SLC44A3: variants seen among roughly 807,000 people sequenced by gnomAD.
The protein encoded by SLC44A3 is solute carrier family 44 member 3.
Under a neutral mutation model 75.4 loss-of-function variants are expected in SLC44A3, and 74 were observed. The ratio of observed to expected loss-of-function variants is 0.98; its 90% CI spans 0.81 to 1.19. The LOEUF (loss-of-function observed/expected upper bound fraction) is 1.19, where lower values mean the gene tolerates loss of function less well. SLC44A3 is among the 50% of genes most tolerant of loss of function. SLC44A3 has a pLI of 0.00. For synonymous variants in SLC44A3, 310 were observed against 296.9 expected (o/e 1.04, Z -0.45); for missense variants, 700 against 778.6 (o/e 0.90, Z 1.20).
At chr1:94,826,091 A>T (rs1276316744) in intron 3 of SLC44A3, 1 of 352,620 alleles carries the variant, frequency 2.8e-6, no homozygotes, top group African/African-American at 2.1e-5. Context: ...TACAACAGGG[A>T]TGAACCCTGA....
chr1:94,856,594 G>A (rs1271245768), intron 9 of SLC44A3, among the ~76,000 whole-genome samples: 3 of 152,166 alleles, frequency 2.0e-5, no homozygotes, highest in Non-Finnish European at 4.4e-5. Context: ...TTTCATCAAC[G>A]TGCTGAGTTT....
At chr1:94,871,974 T>C (rs920965552) in intron 12 of SLC44A3, among the ~76,000 whole-genome samples, 1 of 152,198 alleles carries the variant, frequency 6.6e-6, no homozygotes, top group Non-Finnish European at 1.5e-5. Flanking sequence ...ACGTAGACAG[T>C]TGGGATTTGC....
intron 10 of SLC44A3, 24 bp from the exon 11 acceptor site, chr1:94,864,719 T>TG (rs749122315): frequency 2.5e-6 from 4 of 1,606,606 alleles, no homozygotes; most frequent in Non-Finnish European, 3.4e-6. Context: ...GTTTTTAAAA[T>TG]GCTATCCTTT....
rs755117496 is a variant in SLC44A3 at position 94,827,649 on chromosome 1, C to T, written c.415+6C>T. The T allele has an allele frequency of 1.9e-6, 3 of 1,614,072 alleles. No homozygotes were observed. The highest frequency in any genetic ancestry group is 2.2e-5 in the South Asian group (2 of 91,068). ...GTTCTTTGCAAACACCAGTGGTAGG[C>T]ACTAAGGCCTGGTTTGTTCTTTTCC... On this transcript the variant is annotated splice_donor_region_variant and intron_variant, in intron 4 of 14. Transcript: ENST00000271227.
chr1:94,852,155 G>A (rs1195949200), intron 9 of SLC44A3, among the ~76,000 whole-genome samples: 1 of 152,104 alleles, frequency 6.6e-6, no homozygotes, highest in Non-Finnish European at 1.5e-5. Flanking sequence ...AAAAATGCTG[G>A]AGATACAGCT....
chr1:94,845,139 T>C (rs1664238819), intron 8 of SLC44A3, 139 bp from the exon 9 acceptor site: 1 of 907,340 alleles, frequency 1.1e-6, no homozygotes, highest in African/African-American at 1.7e-5. Flanking sequence ...AATGCATCTG[T>C]AAAATTATAA....
Position 94,827,491 on chromosome 1 carries a change from T to G in SLC44A3, c.279-16T>G, listed in dbSNP as rs776672662. On this transcript the variant is annotated splice_polypyrimidine_tract_variant and intron_variant, in intron 3 of 14. Coordinates refer to ENST00000271227, the MANE Select transcript of SLC44A3 (RefSeq NM_001114106.3). The stretch of plus-strand genomic sequence containing the variant: ...GCAATGCTCTAACACATTCTTCTGT[T>G]TCATCTATTTCCTAGACACGTGTTC... 6.2e-7 allele frequency: 1 copy of G among 1,614,034 alleles called. No homozygotes were observed. The highest frequency in any genetic ancestry group is 8.5e-7 in the Non-Finnish European group (1 of 1,179,986).
At chr1:94,846,364 G>A (rs770910619) in intron 9 of SLC44A3, among the ~76,000 whole-genome samples, 9 of 152,118 alleles carry the variant, frequency 5.9e-5, no homozygotes, top group Non-Finnish European at 8.8e-5. Context: ...ATTGATTCAC[G>A]TGGTTTGCGG....
At chr1:94,878,589 C>T (rs1390139183) in intron 12 of SLC44A3, among the ~76,000 whole-genome samples, 2 of 152,138 alleles carry the variant, frequency 1.3e-5, no homozygotes, top group Non-Finnish European at 2.9e-5. Flanking sequence ...ACTTTCTGAG[C>T]AGAAGATCCA....
rs562497332 is a variant in SLC44A3, at chr1:94,890,631, C to T, written c.1483-499C>T. Among the ~76,000 whole-genome samples, 18 of 152,290 alleles carry T rather than the reference C, an allele frequency of 1.2e-4. No homozygotes were observed. In the South Asian group the frequency reaches 3.1e-3, roughly 26 times the overall value. ...TCAGCTCTCACAAACCATTAGATCCCGCTTGCTTTCTGGTACCTAAACTTC... is the reference window on the plus strand; with the variant it reads ...TCAGCTCTCACAAACCATTAGATCCTGCTTGCTTTCTGGTACCTAAACTTC... On this transcript the variant is annotated intron_variant, in intron 12 of 14. Coordinates refer to ENST00000271227, the MANE Select transcript of SLC44A3 (RefSeq NM_001114106.3).
At chr1:94,892,613 CTCTCT>C in intron 14 of SLC44A3, 96 bp downstream of exon 14, 1 of 1,231,958 alleles carries the variant, frequency 8.1e-7, no homozygotes, top group Admixed American at 1.9e-5. Flanking sequence ...TACCCAGCCT[CTCTCT>C]TCTAGAGGGC....
intron 9 of SLC44A3, among the ~76,000 whole-genome samples, chr1:94,848,165 G>C (rs539762952): frequency 2.6e-5 from 4 of 151,750 alleles, no homozygotes; most frequent in Non-Finnish European, 4.4e-5. Context: ...GGAGGCGGAG[G>C]GTGCAGTGAG....
chr1:94,867,671 T>A (rs1297447369), intron 12 of SLC44A3, among the ~76,000 whole-genome samples: 3 of 152,216 alleles, frequency 2.0e-5, no homozygotes, highest in African/African-American at 7.2e-5. Flanking sequence ...AAATTTGAAT[T>A]TCATATGATT....
At chr1:94,836,735 ACT>A (rs1404359232) in intron 5 of SLC44A3, 1 of 151,776 alleles carries the variant, frequency 6.6e-6, no homozygotes, top group African/African-American at 2.4e-5. Flanking sequence ...ACATGGTGAA[ACT>A]CTGTCTCTAC....
At chr1:94,849,634 C>T (rs1403901865) in intron 9 of SLC44A3, among the ~76,000 whole-genome samples, 1 of 152,190 alleles carries the variant, frequency 6.6e-6, no homozygotes, top group African/African-American at 2.4e-5. Flanking sequence ...GCACAGTGCC[C>T]GATTGTCTCA....
intron 12 of SLC44A3, among the ~76,000 whole-genome samples, chr1:94,886,909 A>G (rs972800470): frequency 2.6e-5 from 4 of 151,978 alleles, no homozygotes; most frequent in African/African-American, 9.7e-5. Context: ...TTGTGTGTTT[A>G]TAGCTTCAAT....
In SLC44A3 at chr1:94,831,069, A is replaced by G. The variant is rs552003831; in HGVS notation, c.509+2483A>G. On this transcript the variant is annotated intron_variant, in intron 5 of 14. Transcript: ENST00000271227. ...GCGTCTATGTTTGAGTCAAGACTTG[A>G]TTTTATTTTGACTGGTGAGTGGCCT... 1.2e-4 allele frequency among the ~76,000 whole-genome samples: 18 copies of G among 152,286 alleles called. No individual in the cohort carries two copies. The East Asian group carries it at 3.3e-3, about 28-fold the overall frequency.
intron 2 of SLC44A3, among the ~76,000 whole-genome samples, chr1:94,823,616 C>G (rs1660909147): frequency 6.6e-6 from 1 of 152,144 alleles, no homozygotes; most frequent in Non-Finnish European, 1.5e-5. Context: ...GTAATAAATG[C>G]AGAATGTCTA....
intron 12 of SLC44A3, among the ~76,000 whole-genome samples, chr1:94,881,335 C>G (rs1668944311): frequency 6.6e-6 from 1 of 152,184 alleles, no homozygotes. Flanking sequence ...CATGAATGTT[C>G]CAGTTTCTGC....
Sources: allele counts gnomAD v4.1 joint callset (sites outside exome capture counted in the v4.1 genomes callset), GRCh38; gene constraint gnomAD v4.1.1; transcripts MANE v1.5; gene names NCBI Gene and HGNC (gene_info 2026-07-23, HGNC 2026-07-21).